The following INSR variants were observed in gnomAD, a reference collection of about 807,000 sequenced individuals.
INSR encodes the protein insulin receptor.
In INSR, 67 loss-of-function variants were observed where a neutral mutation model predicts 142.6. The observed-to-expected ratio is 0.47, with a 90% CI of 0.39 to 0.58. INSR has a LOEUF of 0.58. Among genes scored for constraint, INSR ranks in the 20% least tolerant of loss-of-function variants. INSR has a pLI of 0.00. For missense variants in INSR, 1,248 were observed against 1,833.2 expected, an observed-to-expected ratio of 0.68 and a Z score of 5.83; for synonymous variants, 756 against 743.1, an observed-to-expected ratio of 1.02 and a Z score of -0.28.
chr19:7,183,300 T>G (rs903820853), intron 3 of INSR, among the ~76,000 whole-genome samples: 1 of 120,150 alleles, frequency 8.3e-6, no homozygotes, highest in East Asian at 2.2e-4. Context: ...GTGTGTGTGT[T>G]TTAAAACAAA....
rs796144540 is a variant in INSR at position 7,238,617 on chromosome 19, CAAAAAAA to C, written c.652+28721_652+28727del. Among the ~76,000 whole-genome samples the C allele has an allele frequency of 3.7e-3, 254 of 69,022 alleles. 2 individuals carry two copies. The highest frequency in any genetic ancestry group is 0.015 in the African/African-American group (247 of 15,976). The allele number at this position is 69,022 out of a possible 152,430, so 45.3% of individuals were successfully genotyped here. On this transcript the variant is annotated intron_variant, in intron 2 of 21. Transcript: ENST00000302850. The stretch of plus-strand genomic sequence containing the variant: ...GCCTGGGCAACAGAGTGCTCCATCT[CAAAAAAA>C]AAAAAAAAAAAAAAAGGAAAGGGAA...
intron 11 of INSR, among the ~76,000 whole-genome samples, chr19:7,143,700 C>T (rs8110116): frequency 0.26 from 39,081 of 152,000 alleles, 7,520 homozygotes; most frequent in East Asian, 0.64. Flanking sequence ...CTTAAGAAGA[C>T]ATATTAAACA....
chr19:7,166,076 T>C lies in INSR; in HGVS notation c.1861+78A>G. Reference sequence around the variant, plus strand: ...AATAACCATATCAAGGAGCATTTTATACAACCTCACTGCATCAGCCTATTA... The same window carrying C: ...AATAACCATATCAAGGAGCATTTTACACAACCTCACTGCATCAGCCTATTA... On this transcript the variant is annotated intron_variant, in intron 8 of 21. Coordinates refer to ENST00000302850, the MANE Select transcript of INSR (RefSeq NM_000208.4). This position sits in a 1 kb window ranked among gnomAD's most constrained non-coding sequence, Gnocchi z 4.1. 1 of 1,538,190 alleles carries C rather than the reference T, an allele frequency of 6.5e-7. No individual in the cohort carries two copies. The highest frequency in any genetic ancestry group is 9.0e-7 in the Non-Finnish European group (1 of 1,113,110).
chr19:7,133,735 C>T (rs867873088), intron 13 of INSR, among the ~76,000 whole-genome samples: 9 of 152,150 alleles, frequency 5.9e-5, no homozygotes, highest in African/African-American at 9.7e-5. Flanking sequence ...TGGCGGCACA[C>T]GCCTGTAATC....
At chr19:7,234,783 G>A (rs796314817) in intron 2 of INSR, among the ~76,000 whole-genome samples, 48 of 152,196 alleles carry the variant, frequency 3.2e-4, no homozygotes, top group African/African-American at 9.6e-4. Context: ...TTCTGGGCCC[G>A]GCGCAGTGGC....
At chr19:7,282,760 G>C (rs947892508) in intron 1 of INSR, among the ~76,000 whole-genome samples, 6 of 151,878 alleles carry the variant, frequency 4.0e-5, no homozygotes, top group Admixed American at 2.6e-4. Flanking sequence ...GCCGAGGTGG[G>C]GGATCACGAG....
chr19:7,275,424 T>C (rs1214299202), intron 1 of INSR, among the ~76,000 whole-genome samples: 3 of 152,154 alleles, frequency 2.0e-5, no homozygotes, highest in Non-Finnish European at 4.4e-5. Flanking sequence ...GTACTAATTT[T>C]TTTTACATTT....
At chr19:7,145,692 A>T (rs892988022) in intron 11 of INSR, among the ~76,000 whole-genome samples, 1 of 152,368 alleles carries the variant, frequency 6.6e-6, no homozygotes, top group Non-Finnish European at 1.5e-5. Context: ...ATTTACAAAA[A>T]CAGGCAGCTA....
At chr19:7,149,683 G>T (rs966916028) in intron 11 of INSR, among the ~76,000 whole-genome samples, 3 of 152,014 alleles carry the variant, frequency 2.0e-5, no homozygotes, top group African/African-American at 7.2e-5. Flanking sequence ...TTAGCCGGGC[G>T]TGGTGGCGCA....
chr19:7,137,433 C>A (rs940606892), intron 13 of INSR, among the ~76,000 whole-genome samples: 2 of 151,892 alleles, frequency 1.3e-5, no homozygotes, highest in African/African-American at 4.8e-5. Flanking sequence ...GGTTTGGAAC[C>A]ACTACAACCA....
At chr19:7,262,836 G>A (rs1467006030) in intron 2 of INSR, among the ~76,000 whole-genome samples, 2 of 152,194 alleles carry the variant, frequency 1.3e-5, no homozygotes, top group African/African-American at 4.8e-5. Flanking sequence ...TAGGTGCCAG[G>A]GGGCTGGGAG....
intron 1 of INSR, among the ~76,000 whole-genome samples, chr19:7,292,678 A>T: frequency 6.6e-6 from 1 of 152,230 alleles, no homozygotes; most frequent in East Asian, 1.9e-4. Flanking sequence ...AACCCAACAG[A>T]TATTTTTAAA....
At chr19:7,172,146 A>G (rs1191499917) in intron 5 of INSR, 144 bp downstream of exon 5, 2 of 810,944 alleles carry the variant, frequency 2.5e-6, no homozygotes, top group Non-Finnish European at 4.2e-6. Flanking sequence ...TCCCCGCCTC[A>G]AGTGATTCAC....
intron 1 of INSR, among the ~76,000 whole-genome samples, chr19:7,289,862 C>T (rs1453236530): frequency 2.0e-5 from 3 of 152,140 alleles, no homozygotes; most frequent in Non-Finnish European, 2.9e-5. Flanking sequence ...CCCAGGACCA[C>T]ATGGGTGGAG....
intron 11 of INSR, among the ~76,000 whole-genome samples, chr19:7,143,900 C>T (rs1599898710): frequency 6.6e-6 from 1 of 151,976 alleles, no homozygotes; most frequent in South Asian, 2.1e-4. Flanking sequence ...ACTAAAAATA[C>T]AAAAATTAGC....
rs34080394 is a variant in INSR at position 7,135,304 on chromosome 19, CTTTTTTTTTTTTTTTTT to C, written c.2683-3004_2683-2988del. Among the ~76,000 whole-genome samples, 9 of 60,056 alleles carry C rather than the reference CTTTTTTTTTTTTTTTTT, an allele frequency of 1.5e-4. No individual in the cohort carries two copies. The Admixed American group carries it at 1.7e-3, about 11-fold the overall frequency. The allele number at this position is 60,056 out of a possible 152,430, so 39.4% of individuals were successfully genotyped here. ...CCAGGACAAAGGGGAAATGCATCTT[CTTTTTTTTTTTTTTTTT>C]TTTTTTTTTTGGAGACGGAGTTTCG... On this transcript the variant is annotated intron_variant, in intron 13 of 21. Coordinates refer to ENST00000302850, the MANE Select transcript of INSR (RefSeq NM_000208.4).
chr19:7,128,795 T>C, intron 15 of INSR, 57 bp downstream of exon 15: 3 of 1,190,170 alleles, frequency 2.5e-6, no homozygotes, highest in Non-Finnish European at 3.8e-6. Context: ...TATCAAGGCA[T>C]GTTTTCCCCC....
At position 7,162,832 on chromosome 19, in the gene INSR, T is replaced by C. The variant is rs1599930349; in HGVS notation, c.2029+200A>G. 2.0e-5 allele frequency among the ~76,000 whole-genome samples: 3 copies of C among 151,562 alleles called. No homozygotes were observed. In the South Asian group the frequency reaches 6.3e-4, roughly 32 times the overall value. On this transcript the variant is annotated intron_variant, in intron 9 of 21. Transcript: ENST00000302850. ...TGAAACTCCATCTCAAAAAAGTAAATAAATAAAAAATAAAATAAATAAATA... is the reference window on the plus strand; with the variant it reads ...TGAAACTCCATCTCAAAAAAGTAAACAAATAAAAAATAAAATAAATAAATA...
chr19:7,186,361 C>T (rs549038638), intron 2 of INSR, among the ~76,000 whole-genome samples: 3 of 152,020 alleles, frequency 2.0e-5, no homozygotes, highest in Non-Finnish European at 4.4e-5. Context: ...ACCATCTGGT[C>T]GAAATTTCTG....
Sources: allele counts gnomAD v4.1 joint callset (sites outside exome capture counted in the v4.1 genomes callset), GRCh38; gene constraint gnomAD v4.1.1; non-coding constraint Gnocchi (gnomAD v3.1); transcripts MANE v1.5; gene names NCBI Gene and HGNC (gene_info 2026-07-23, HGNC 2026-07-21).